The following ZNF385D variants were observed in gnomAD, a reference collection of about 807,000 sequenced individuals.
ZNF385D encodes the protein zinc finger protein 659.
Under a neutral mutation model 35.8 loss-of-function variants are expected in ZNF385D, and 15 were observed. The ratio of observed to expected loss-of-function variants is 0.42; its 90% CI spans 0.28 to 0.64. The LOEUF is 0.64. Among genes scored for constraint, ZNF385D ranks in the 30% least tolerant of loss-of-function variants. The probability of loss-of-function intolerance (pLI) is 0.23; values close to 1 mark genes in which losing one functional copy is unlikely to be tolerated. For missense variants in ZNF385D, 474 were observed against 494.6 expected (o/e 0.96, Z 0.39); for synonymous variants, 212 against 186.8 (o/e 1.13, Z -1.10).
intron 1 of ZNF385D, among the ~76,000 whole-genome samples, chr3:21,686,986 C>A (rs2067126116): frequency 6.6e-6 from 1 of 152,124 alleles, no homozygotes. Flanking sequence ...CTTGTCTTGA[C>A]CAGTGGAATG....
intron 2 of ZNF385D, among the ~76,000 whole-genome samples, chr3:22,210,312 C>G (rs1225992021): frequency 6.6e-6 from 1 of 151,700 alleles, no homozygotes; most frequent in Non-Finnish European, 1.5e-5. Flanking sequence ...TTTTAGATAG[C>G]ATGAAAAAAT....
rs529742768 is a variant in ZNF385D, at chr3:21,686,113, AAAG to A, written c.23-21088_23-21086del. On this transcript the variant is annotated intron_variant, in intron 1 of 7. Coordinates refer to ENST00000281523, the MANE Select transcript of ZNF385D (RefSeq NM_024697.3). ...TGATTAAAGATTAATAATAGAGAAA[AAAG>A]AAATAGCACAGTGGAAATTTAAAAG... Among the ~76,000 whole-genome samples, 4 of 152,310 alleles carry A rather than the reference AAAG, an allele frequency of 2.6e-5. No individual in the cohort carries two copies. In the South Asian group the frequency reaches 8.3e-4, roughly 32 times the overall value.
chr3:22,167,495 A>G (rs1357122853), intron 3 of ZNF385D, among the ~76,000 whole-genome samples: 1 of 152,164 alleles, frequency 6.6e-6, no homozygotes, highest in African/African-American at 2.4e-5. Context: ...GTTTGTCAGC[A>G]TATCCTCATT....
chr3:22,360,396 A>G (rs1050623826), intron 2 of ZNF385D, among the ~76,000 whole-genome samples: 1 of 152,068 alleles, frequency 6.6e-6, no homozygotes, highest in South Asian at 2.1e-4. Context: ...AGACGCACTC[A>G]TGAAGTCAGT....
intron 3 of ZNF385D, among the ~76,000 whole-genome samples, chr3:21,542,592 C>T (rs1262781225): frequency 6.6e-6 from 1 of 152,130 alleles, no homozygotes; most frequent in East Asian, 1.9e-4. Context: ...CAGTGATCCT[C>T]TTACTTCCAC....
intron 3 of ZNF385D, among the ~76,000 whole-genome samples, chr3:21,805,596 A>G (rs1485680347): frequency 6.6e-6 from 1 of 152,122 alleles, no homozygotes; most frequent in African/African-American, 2.4e-5. Flanking sequence ...TCTTCTGAGG[A>G]CCAATTTTGT....
intron 3 of ZNF385D, among the ~76,000 whole-genome samples, chr3:22,159,230 C>T (rs186971992): frequency 1.4e-4 from 22 of 152,164 alleles, no homozygotes; most frequent in Middle Eastern, 3.4e-3. Flanking sequence ...CTCACTCCCA[C>T]GCACATACAT....
intron 4 of ZNF385D, among the ~76,000 whole-genome samples, chr3:21,487,977 G>A (rs1334277272): frequency 6.6e-6 from 1 of 152,034 alleles, no homozygotes; most frequent in Non-Finnish European, 1.5e-5. Context: ...TTCTTTAGTT[G>A]TTAAAATCAA....
At chr3:21,706,865 A>G (rs1009175310) in intron 1 of ZNF385D, among the ~76,000 whole-genome samples, 1 of 151,240 alleles carries the variant, frequency 6.6e-6, no homozygotes, top group African/African-American at 2.5e-5. Flanking sequence ...AATAGATTAG[A>G]CAGATAAATT....
intron 2 of ZNF385D, among the ~76,000 whole-genome samples, chr3:22,230,376 A>G (rs1014773644): frequency 6.6e-6 from 1 of 152,138 alleles, no homozygotes; most frequent in Non-Finnish European, 1.5e-5. Context: ...AGGCACCAGA[A>G]AGTCATGCCT....
chr3:21,628,441 A>T (rs112589144), intron 2 of ZNF385D, among the ~76,000 whole-genome samples: 5,478 of 152,078 alleles, frequency 0.036, 137 homozygotes, highest in East Asian at 0.05. Context: ...AGTCATTTTT[A>T]TTCATTTCCT....
intron 3 of ZNF385D, among the ~76,000 whole-genome samples, chr3:21,854,818 A>G (rs761232662): frequency 6.6e-6 from 1 of 152,016 alleles, no homozygotes. Flanking sequence ...AATGAACTAA[A>G]TAATAACTGA....
chr3:21,762,095 T>C (rs1028456157), intron 3 of ZNF385D, among the ~76,000 whole-genome samples: 1 of 152,008 alleles, frequency 6.6e-6, no homozygotes, highest in African/African-American at 2.4e-5. Flanking sequence ...GCCAGGATGG[T>C]CTCGATCTCC....
chr3:21,428,668 C>T (rs1337517355), intron 5 of ZNF385D, among the ~76,000 whole-genome samples: 3 of 151,886 alleles, frequency 2.0e-5, no homozygotes, highest in African/African-American at 7.3e-5. Flanking sequence ...GTGGTCTCCT[C>T]TGGTTTCAAC....
In ZNF385D at chr3:21,542,345, C is replaced by CTTTT. The variant is rs34925669; in HGVS notation, c.276+22225_276+22228dup. ...AGATTCCTGGGTTTTTCTTCTCTTT[C>CTTTT]TTTTTTTTTTTTTCCCAGAGATGAT... On this transcript the variant is annotated intron_variant, in intron 3 of 7. Transcript: ENST00000281523. Among the ~76,000 whole-genome samples the CTTTT allele has an allele frequency of 3.1e-4, 44 of 143,006 alleles. 1 individual carries two copies. The South Asian group carries it at 5.1e-3, about 16-fold the overall frequency. 93.8% of individuals were successfully genotyped at this position (143,006 alleles called of 152,430 possible).
chr3:22,138,772 C>A (rs1020133678), intron 3 of ZNF385D, among the ~76,000 whole-genome samples: 1 of 152,050 alleles, frequency 6.6e-6, no homozygotes, highest in Admixed American at 6.6e-5. Context: ...GACTTCATGT[C>A]TAAGACACCA....
In ZNF385D at chr3:21,997,876, T is replaced by C. The variant is rs3905413; in HGVS notation, c.325+170941A>G. Among the ~76,000 whole-genome samples the C allele has an allele frequency of 8.7e-3, 854 of 98,518 alleles. 10 individuals are homozygous for C. Among genetic ancestry groups the C allele is most frequent in the African/African-American group, 0.021 (500 of 24,232 alleles). The allele number at this position is 98,518 out of a possible 152,430, so 64.6% of individuals were successfully genotyped here. On this transcript the variant is annotated intron_variant, in intron 3 of 5. Transcript: ENST00000494108. ...TATTTGGCGCGCGCGCGCGCGCGTG[T>C]GTGTGTGTGTGTGTGTGTGTGTGTG...
intron 3 of ZNF385D, among the ~76,000 whole-genome samples, chr3:21,891,924 T>C (rs1291732310): frequency 6.6e-6 from 1 of 152,192 alleles, no homozygotes; most frequent in Non-Finnish European, 1.5e-5. Context: ...AATAGCTTTT[T>C]CAAAGTGAGA....
rs61668943 is a variant in ZNF385D at position 22,180,914 on chromosome 3, C to CTTTTTTTTTTTTTTTTTTTTTTTTTTT, written c.107-11880_107-11879insAAAAAAAAAAAAAAAAAAAAAAAAAAA. Among the ~76,000 whole-genome samples the CTTTTTTTTTTTTTTTTTTTTTTTTTTT allele has an allele frequency of 6.0e-4, 68 of 112,934 alleles. 14 individuals carry two copies. Among genetic ancestry groups the CTTTTTTTTTTTTTTTTTTTTTTTTTTT allele is most frequent in the African/African-American group, 2.5e-3 (59 of 23,776 alleles). 74.1% of individuals were successfully genotyped at this position (112,934 alleles called of 152,430 possible). On this transcript the variant is annotated intron_variant, in intron 2 of 5. Transcript: ENST00000494108. ...AATCCAGTAGCTATATGCTTTTGTT[C>CTTTTTTTTTTTTTTTTTTTTTTTTTTT]TTTTTTTTTTTTTTTTAAGAGACAG...
Sources: allele counts gnomAD v4.1 joint callset (sites outside exome capture counted in the v4.1 genomes callset), GRCh38; gene constraint gnomAD v4.1.1; transcripts MANE v1.5; gene names NCBI Gene and HGNC (gene_info 2026-07-23, HGNC 2026-07-21).